The following POU3F3 variants were observed in gnomAD, a reference collection of about 807,000 sequenced individuals.
The protein encoded by POU3F3 is POU class 3 homeobox 3, also known as POU domain, class 3, transcription factor 3.
A neutral mutation model predicts 8.6 loss-of-function variants in POU3F3; 1 was observed. That is an observed-to-expected ratio of 0.12 (90% CI 0.04 to 0.55). The LOEUF is 0.55. Among genes scored for constraint, POU3F3 ranks in the 20% least tolerant of loss-of-function variants. The pLI is 0.91. For synonymous variants in POU3F3, 418 were observed against 327.4 expected, an observed-to-expected ratio of 1.28 and a Z score of -2.99; for missense variants, 577 against 690.7, an observed-to-expected ratio of 0.84 and a Z score of 1.84.
chr2:104,886,489 C>T, the POU3F3 span, among the ~76,000 whole-genome samples: 1 of 151,990 alleles, frequency 6.6e-6, no homozygotes, highest in African/African-American at 2.4e-5. Context: ...GATGTTTGCA[C>T]AACAAGAAAA....
At chr2:104,917,993 G>A in the POU3F3 span, among the ~76,000 whole-genome samples, 1 of 152,152 alleles carries the variant, frequency 6.6e-6, no homozygotes, top group South Asian at 2.1e-4. Context: ...AAGACAACCT[G>A]GAAATATGGT....
chr2:104,855,302 G>A lies in POU3F3; in HGVS notation c.-209G>A, dbSNP rs1228908307. Among the ~76,000 whole-genome samples, 1 of 146,746 alleles carries A rather than the reference G, an allele frequency of 6.8e-6. No homozygotes were observed. The highest frequency in any genetic ancestry group is 1.5e-5 in the Non-Finnish European group (1 of 66,032). ...AGCTGCAGCCGGGGGCCGCGGCGGC[G>A]GCGGCGGCGGCGGGGGCGGAGGCGG... On this transcript the variant is annotated 5_prime_UTR_variant, in exon 1 of 1. Coordinates refer to ENST00000361360, the MANE Select transcript of POU3F3 (RefSeq NM_006236.3).
chr2:104,873,053 T>A, the POU3F3 span, among the ~76,000 whole-genome samples: 1 of 152,206 alleles, frequency 6.6e-6, no homozygotes, highest in African/African-American at 2.4e-5. Context: ...TTGCCCTTTG[T>A]TTCTGGAAAC....
the POU3F3 span, among the ~76,000 whole-genome samples, chr2:104,924,895 G>A: frequency 1.3e-5 from 2 of 152,088 alleles, no homozygotes; most frequent in African/African-American, 4.8e-5. Context: ...TGAATCTAGG[G>A]TATTATGAAA....
chr2:104,924,456 G>A, the POU3F3 span, among the ~76,000 whole-genome samples: 1 of 152,178 alleles, frequency 6.6e-6, no homozygotes, highest in Admixed American at 6.5e-5. Flanking sequence ...GTTATGGAAA[G>A]ACCCATTTGC....
At chr2:104,889,130 C>T in the POU3F3 span, among the ~76,000 whole-genome samples, 92 of 152,198 alleles carry the variant, frequency 6.0e-4, no homozygotes, top group African/African-American at 2.1e-3. Context: ...GAATGTTTTC[C>T]GTGATGCGAT....
At chr2:104,879,124 C>T in the POU3F3 span, among the ~76,000 whole-genome samples, 1 of 151,942 alleles carries the variant, frequency 6.6e-6, no homozygotes, top group Non-Finnish European at 1.5e-5. Flanking sequence ...TCAAAATCTT[C>T]AGTACACACG....
At chr2:104,876,104 G>A in the POU3F3 span, among the ~76,000 whole-genome samples, 1 of 152,208 alleles carries the variant, frequency 6.6e-6, no homozygotes, top group South Asian at 2.1e-4. Context: ...ACTATTGGAT[G>A]ATTATGTTTA....
At chr2:104,924,173 TA>T in the POU3F3 span, among the ~76,000 whole-genome samples, 1 of 152,176 alleles carries the variant, frequency 6.6e-6, no homozygotes, top group Non-Finnish European at 1.5e-5. Context: ...CAATGATTTT[TA>T]AAAGCATGTT....
the POU3F3 span, among the ~76,000 whole-genome samples, chr2:104,888,753 C>A: frequency 6.6e-6 from 1 of 152,102 alleles, no homozygotes; most frequent in Middle Eastern, 3.2e-3. Flanking sequence ...TCACAGTAAC[C>A]AATTTGGGGT....
chr2:104,880,868 C>G, the POU3F3 span, among the ~76,000 whole-genome samples: 1 of 152,194 alleles, frequency 6.6e-6, no homozygotes, highest in Non-Finnish European at 1.5e-5. Context: ...GGCTATTCCA[C>G]TAGATAAACC....
At chr2:104,892,210 G>A in the POU3F3 span, among the ~76,000 whole-genome samples, 1 of 152,242 alleles carries the variant, frequency 6.6e-6, no homozygotes, top group Non-Finnish European at 1.5e-5. Flanking sequence ...CTAACTCCAT[G>A]ATTTTGTCCT....
At chr2:104,885,828 G>C in the POU3F3 span, among the ~76,000 whole-genome samples, 1 of 150,798 alleles carries the variant, frequency 6.6e-6, no homozygotes, top group Non-Finnish European at 1.5e-5. Flanking sequence ...ACAAAGTCTC[G>C]CTGTTGTCCC....
chr2:104,924,540 T>C, the POU3F3 span, among the ~76,000 whole-genome samples: 1 of 152,166 alleles, frequency 6.6e-6, no homozygotes, highest in Non-Finnish European at 1.5e-5. Context: ...AAGATTTGTC[T>C]CCAAGAAGCA....
At chr2:104,886,941 A>T in the POU3F3 span, among the ~76,000 whole-genome samples, 3 of 152,230 alleles carry the variant, frequency 2.0e-5, no homozygotes, top group Non-Finnish European at 2.9e-5. Flanking sequence ...AAAAAATTTT[A>T]AAAAAAGAAA....
chr2:104,899,669 T>A, the POU3F3 span, among the ~76,000 whole-genome samples: 11 of 152,278 alleles, frequency 7.2e-5, no homozygotes, highest in Admixed American at 3.3e-4. Flanking sequence ...GAAGGGCAGA[T>A]GTTTAAAATG....
the POU3F3 span, among the ~76,000 whole-genome samples, chr2:104,916,053 T>C: frequency 1.3e-5 from 2 of 152,092 alleles, no homozygotes; most frequent in Non-Finnish European, 2.9e-5. Flanking sequence ...CTCAGATCAT[T>C]TCTAGAACAT....
At chr2:104,872,361 G>C in the POU3F3 span, 1 of 456,596 alleles carries the variant, frequency 2.2e-6, no homozygotes, top group African/African-American at 2.0e-5. The surrounding 1 kb of genome is among the most constrained non-coding windows in gnomAD (Gnocchi z 4.6). Flanking sequence ...CGGGCTCTGA[G>C]CTCTGGAGCC....
chr2:104,856,159 C>T lies in POU3F3; in HGVS notation c.649C>T (p.Pro217Ser). The T allele has an allele frequency of 1.6e-6, 2 of 1,254,692 alleles. No individual in the cohort carries two copies. The highest frequency in any genetic ancestry group is 2.0e-6 in the Non-Finnish European group (2 of 999,574). 77.7% of individuals were successfully genotyped at this position (1,254,692 alleles called of 1,614,324 possible). ...PSMAGGQQPP[P>S]QSLLYSQPGG... ...CATGGCCGGGGGCCAGCAGCCGCCG[C>T]CGCAGAGTCTGCTCTACTCGCAGCC... Residue 217 changes from proline to serine, a missense_variant, in exon 1 of 1, where the codon CCG becomes TCG. Transcript: ENST00000361360.
Sources: allele counts gnomAD v4.1 joint callset (sites outside exome capture counted in the v4.1 genomes callset), GRCh38; gene constraint gnomAD v4.1.1; non-coding constraint Gnocchi (gnomAD v3.1); transcripts MANE v1.5; gene names NCBI Gene and HGNC (gene_info 2026-07-23, HGNC 2026-07-21).